The following STPG2 variants were observed in gnomAD, a reference collection of about 807,000 sequenced individuals.
STPG2 encodes the protein sperm tail PG-rich repeat containing 2.
In STPG2, 56 loss-of-function variants were observed where a neutral mutation model predicts 54.2. The ratio of observed to expected loss-of-function variants is 1.03; its 90% CI spans 0.83 to 1.29. STPG2 has a LOEUF of 1.29. Among genes scored for constraint, STPG2 ranks in the 50% most tolerant of loss-of-function variants. The pLI is 0.00. For missense variants in STPG2, 596 were observed against 544.9 expected, an observed-to-expected ratio of 1.09 and a Z score of -0.93; for synonymous variants, 200 against 181.8, an observed-to-expected ratio of 1.10 and a Z score of -0.81.
Position 97,981,183 on chromosome 4 carries a change from C to A in STPG2, c.748G>T (p.Asp250Tyr). The A allele has an allele frequency of 5.0e-6, 8 of 1,613,894 alleles. No individual in the cohort carries two copies. The highest frequency in any genetic ancestry group is 6.8e-6 in the Non-Finnish European group (8 of 1,179,930). The change falls in exon 6 of 11, where the codon GAC (aspartate) becomes TAC (tyrosine). Residue 250 changes from aspartate to tyrosine, a missense_variant. By Grantham distance (160) the Asp-to-Tyr change is radical. Transcript: ENST00000295268. ...CCTGGCATTTCCTCTGTCCTGATGT[C>A]CTGTGTGAATCGAACAGCACTTTGA... Reference protein sequence around the residue: ...FGQSAVRFTQDIRTEEMPGPG... With the variant: ...FGQSAVRFTQYIRTEEMPGPG...
At chr4:98,115,101 G>A (rs1739479603) in intron 3 of STPG2, among the ~76,000 whole-genome samples, 1 of 151,876 alleles carries the variant, frequency 6.6e-6, no homozygotes. Flanking sequence ...ATTATAATTT[G>A]AAGAAGAATT....
At chr4:97,784,717 A>T (rs1367885901) in intron 9 of STPG2, among the ~76,000 whole-genome samples, 2 of 152,058 alleles carry the variant, frequency 1.3e-5, no homozygotes, top group East Asian at 3.8e-4. Context: ...ACAAAGAAAA[A>T]AAACACTAAA....
chr4:97,703,661 CATATATAAAATATATATA>C (rs60191647), intron 10 of STPG2, among the ~76,000 whole-genome samples: 15,121 of 136,102 alleles, frequency 0.11, 2,357 homozygotes, highest in African/African-American at 0.36. Flanking sequence ...ATAAATAAAA[CATATATAAAATATATATA>C]GTATATATAT....
At chr4:98,091,534 G>A (rs954728569) in intron 5 of STPG2, among the ~76,000 whole-genome samples, 24 of 152,002 alleles carry the variant, frequency 1.6e-4, no homozygotes, top group Admixed American at 5.9e-4. Flanking sequence ...CAAAATCAAC[G>A]CATTTCTCCT....
intron 10 of STPG2, among the ~76,000 whole-genome samples, chr4:97,687,295 A>G (rs1370826171): frequency 6.7e-6 from 1 of 149,288 alleles, no homozygotes; most frequent in African/African-American, 2.5e-5. Context: ...AACCAATAGA[A>G]TAAGTACAAG....
chr4:97,736,223 T>C (rs1465169521), intron 9 of STPG2, among the ~76,000 whole-genome samples: 4 of 152,092 alleles, frequency 2.6e-5, no homozygotes, highest in Admixed American at 6.5e-5. Flanking sequence ...AGAAAGGTGA[T>C]AGCAGCCAAG....
intron 9 of STPG2, among the ~76,000 whole-genome samples, chr4:97,718,456 C>A (rs912346945): frequency 2.6e-5 from 4 of 151,894 alleles, no homozygotes; most frequent in Non-Finnish European, 5.9e-5. Context: ...TTTAGAGTTT[C>A]CAGAAAGAGG....
chr4:98,114,763 T>TG (rs59647920), intron 3 of STPG2, among the ~76,000 whole-genome samples: 2,945 of 145,084 alleles, frequency 0.02, 47 homozygotes, highest in African/African-American at 0.048. Context: ...ATTTTTTTTT[T>TG]TTTGTGTGTG....
chr4:97,714,825 A>C (rs1272942564), intron 9 of STPG2, among the ~76,000 whole-genome samples: 1 of 152,144 alleles, frequency 6.6e-6, no homozygotes, highest in Non-Finnish European at 1.5e-5. Flanking sequence ...AACCGTAAAG[A>C]TATATAAAGG....
chr4:97,845,161 T>C (rs1166229468), intron 8 of STPG2, among the ~76,000 whole-genome samples: 1 of 151,994 alleles, frequency 6.6e-6, no homozygotes, highest in Non-Finnish European at 1.5e-5. Context: ...AATAAGTTTT[T>C]TTTTTGAAAA....
At chr4:97,533,242 AT>A (rs1273649556) in intron 4 of STPG2, among the ~76,000 whole-genome samples, 1 of 152,188 alleles carries the variant, frequency 6.6e-6, no homozygotes, top group Non-Finnish European at 1.5e-5. Context: ...AAAAAAGCAC[AT>A]GTTAGGGACT....
At chr4:97,452,671 T>A (rs1482813138) in intron 4 of STPG2, among the ~76,000 whole-genome samples, 2 of 152,128 alleles carry the variant, frequency 1.3e-5, no homozygotes, top group Non-Finnish European at 2.9e-5. Flanking sequence ...TAGGACCGCC[T>A]ATCTGCTGAG....
chr4:97,970,343 C>A (rs547401192), intron 7 of STPG2, among the ~76,000 whole-genome samples: 4 of 152,258 alleles, frequency 2.6e-5, no homozygotes, highest in African/African-American at 7.2e-5. Flanking sequence ...AAAGAGCCTG[C>A]ATTGCCAAGA....
At chr4:97,877,541 A>C (rs1560567333) in intron 8 of STPG2, among the ~76,000 whole-genome samples, 1 of 152,174 alleles carries the variant, frequency 6.6e-6, no homozygotes, top group Non-Finnish European at 1.5e-5. Context: ...GGCAGACAAG[A>C]GAAAATGAGG....
intron 5 of STPG2, among the ~76,000 whole-genome samples, chr4:98,068,390 A>G (rs1737896301): frequency 6.6e-6 from 1 of 152,172 alleles, no homozygotes; most frequent in Non-Finnish European, 1.5e-5. Context: ...GACAGAGACT[A>G]CATGTACATT....
At chr4:97,723,484 T>G (rs1028223917) in intron 9 of STPG2, among the ~76,000 whole-genome samples, 3 of 152,192 alleles carry the variant, frequency 2.0e-5, no homozygotes, top group Non-Finnish European at 4.4e-5. Flanking sequence ...TTCTTTTTAA[T>G]TAAAAAATCA....
chr4:97,546,683 A>C (rs1310425606), intron 4 of STPG2, among the ~76,000 whole-genome samples: 1 of 152,200 alleles, frequency 6.6e-6, no homozygotes, highest in Non-Finnish European at 1.5e-5. Flanking sequence ...ACTTTTAAAA[A>C]TTCATGAACC....
chr4:97,836,277 CA>C (rs1728627794), intron 9 of STPG2, among the ~76,000 whole-genome samples: 1 of 151,760 alleles, frequency 6.6e-6, no homozygotes, highest in Non-Finnish European at 1.5e-5. Context: ...CTTTAGTAAC[CA>C]AAATTCTGAC....
At chr4:98,119,620 G>A (rs564890613) in intron 3 of STPG2, among the ~76,000 whole-genome samples, 153 of 150,064 alleles carry the variant, frequency 1.0e-3, no homozygotes, top group Middle Eastern at 3.4e-3. Context: ...TTTTTTTTAA[G>A]TTCCAGGGTA....
Sources: gnomAD v4.1 joint callset for allele counts (sites outside exome capture counted in the v4.1 genomes callset) on GRCh38, gnomAD v4.1.1 for gene constraint, MANE v1.5 for transcripts, NCBI Gene and HGNC (gene_info 2026-07-23, HGNC 2026-07-21) for gene names.